The following NEK5 variants were observed in gnomAD, a reference collection of about 807,000 sequenced individuals.
The protein encoded by NEK5 is NIMA related kinase 5, also known as serine/threonine-protein kinase Nek5.
In NEK5, 88 loss-of-function variants were observed where a neutral mutation model predicts 109.2. That is an observed-to-expected ratio of 0.81 (90% CI 0.68 to 0.96). NEK5 has a LOEUF of 0.96. Ranked by LOEUF, NEK5 falls within the 40% of genes least tolerant of loss-of-function variation. The pLI, the probability that NEK5 is intolerant of heterozygous loss-of-function variation, is 0.00. For missense variants in NEK5, 834 were observed against 920.7 expected (o/e 0.91, Z 1.22); for synonymous variants, 283 against 299.9 (o/e 0.94, Z 0.58).
intron 15 of NEK5, among the ~76,000 whole-genome samples, chr13:52,087,074 C>T (rs1293149896): frequency 6.6e-6 from 1 of 152,162 alleles, no homozygotes; most frequent in Non-Finnish European, 1.5e-5. Context: ...TCTGTTACAG[C>T]AGCCCAGGAA....
intron 22 of NEK5, among the ~76,000 whole-genome samples, chr13:52,052,522 G>A (rs561730271): frequency 1.3e-5 from 2 of 152,282 alleles, no homozygotes; most frequent in Admixed American, 6.5e-5. Flanking sequence ...TTGCAGCAAG[G>A]AGCACAGACT....
Position 52,127,496 on chromosome 13 carries a change from C to A in NEK5, c.-14G>T. The A allele has an allele frequency of 7.3e-7, 1 of 1,371,512 alleles. No individual in the cohort carries two copies. Among genetic ancestry groups the A allele is most frequent in the Non-Finnish European group, 1.0e-6 (1 of 961,216 alleles). 85.0% of individuals were successfully genotyped at this position (1,371,512 alleles called of 1,614,324 possible). ...GTACTTATCCATGGTCTCCAATGGG[C>A]TGAGTTTCCTGGAATTAGAGTAATG... is the stretch of plus-strand genomic sequence containing the variant. On this transcript the variant is annotated 5_prime_UTR_variant, in exon 3 of 24. Transcript: ENST00000684899.
At chr13:52,077,715 A>C (rs1954893995) in intron 17 of NEK5, among the ~76,000 whole-genome samples, 1 of 152,242 alleles carries the variant, frequency 6.6e-6, no homozygotes, top group African/African-American at 2.4e-5. Context: ...CTACTATATG[A>C]TCCATCCATC....
intron 23 of NEK5, among the ~76,000 whole-genome samples, chr13:52,037,863 C>T (rs1054365352): frequency 7.9e-5 from 12 of 151,390 alleles, no homozygotes; most frequent in African/African-American, 2.9e-4. Flanking sequence ...GCGGAGCTTG[C>T]AGTGAGCCGA....
At chr13:52,050,551 A>G (rs1413615015) in intron 22 of NEK5, among the ~76,000 whole-genome samples, 1 of 150,314 alleles carries the variant, frequency 6.7e-6, no homozygotes, top group African/African-American at 2.4e-5. Flanking sequence ...GTCTCCCACC[A>G]TGGTTAGACT....
At chr13:52,045,130 CTTTTTTTTT>C (rs374051509) in intron 23 of NEK5, among the ~76,000 whole-genome samples, 5 of 108,704 alleles carry the variant, frequency 4.6e-5, no homozygotes, top group African/African-American at 1.4e-4. Context: ...AATAAAAAAT[CTTTTTTTTT>C]TTTTTTTTTT....
At chr13:52,055,518 TG>T (rs1449610906) in intron 22 of NEK5, among the ~76,000 whole-genome samples, 1 of 151,762 alleles carries the variant, frequency 6.6e-6, no homozygotes, top group African/African-American at 2.4e-5. Context: ...AAAGTTGAAA[TG>T]AAGGAAAAAA....
In NEK5 at chr13:52,087,319, G is replaced by T; in HGVS notation, c.1392+19C>A. On this transcript the variant is annotated intron_variant, in intron 15 of 23. Transcript: ENST00000684899. ...ACAAAGAAATACAAGGGTAGCCCTG[G>T]AATTAAACAGTTTTTAACCTGTTCC... 8.4e-7 allele frequency: 1 copy of T among 1,196,856 alleles called. No individual in the cohort carries two copies. Among genetic ancestry groups the T allele is most frequent in the Non-Finnish European group, 1.2e-6 (1 of 801,588 alleles). 74.1% of individuals were successfully genotyped at this position (1,196,856 alleles called of 1,614,324 possible).
At position 52,093,233 on chromosome 13, in the gene NEK5, T is replaced by C. The variant is rs777337634; in HGVS notation, c.1029A>G (p.Ile343Met). 2 of 1,609,456 alleles carry C rather than the reference T, an allele frequency of 1.2e-6. No homozygotes were observed. Among genetic ancestry groups the C allele is most frequent in the South Asian group, 2.2e-5 (2 of 90,912 alleles). The change falls in exon 13 of 24, where the codon ATA (isoleucine) becomes ATG (methionine). Residue 343 changes from isoleucine (I) to methionine (M), a missense_variant and splice_region_variant. Physicochemically the swap from Ile to Met is conservative, Grantham distance 10 (BLOSUM62 1). Coordinates refer to ENST00000684899, the MANE Select transcript of NEK5 (RefSeq NM_001365552.1). ...CAATTTTGGGTCTTTCTATCATTTT[T>C]ATCTGAAGAAAACAAGAGGGGATGT... ...PPAGAQKARSIKMIERPKIAA... is the reference protein window; with the variant it reads ...PPAGAQKARSMKMIERPKIAA...
rs1177226159 is a variant in NEK5, at chr13:52,034,618, T to G, written c.*2330A>C. 1 of 149,050 alleles carries G rather than the reference T, an allele frequency of 6.7e-6. No individual in the cohort carries two copies. The highest frequency in any genetic ancestry group is 1.5e-5 in the Non-Finnish European group (1 of 67,472). 9.2% of individuals were successfully genotyped at this position (149,050 alleles called of 1,614,324 possible). ...TCACTGTAGCCTCAACCTCCCAGGC[T>G]GAAACTAAAGTGATCCTCCCGCCTC... On this transcript the variant is annotated 3_prime_UTR_variant, in exon 24 of 24. Transcript: ENST00000684899.
At chr13:52,096,528 T>C (rs544210423) in intron 12 of NEK5, among the ~76,000 whole-genome samples, 1 of 152,202 alleles carries the variant, frequency 6.6e-6, no homozygotes, top group Non-Finnish European at 1.5e-5. Context: ...ATTGTGCCAC[T>C]ACCCTAGGGA....
chr13:52,102,555 TG>T (rs1301916917), intron 9 of NEK5, among the ~76,000 whole-genome samples: 16 of 152,142 alleles, frequency 1.1e-4, no homozygotes, highest in Admixed American at 1.0e-3. Context: ...TTGCTGGGCT[TG>T]GTGGCATGAG....
intron 3 of NEK5, among the ~76,000 whole-genome samples, chr13:52,123,179 T>G (rs1457291265): frequency 1.3e-5 from 2 of 152,094 alleles, no homozygotes; most frequent in African/African-American, 4.8e-5. Flanking sequence ...AAAAACTACA[T>G]GAGAGTAGAT....
chr13:52,048,445 AT>A (rs767298932), intron 23 of NEK5, among the ~76,000 whole-genome samples: 3 of 152,034 alleles, frequency 2.0e-5, no homozygotes, highest in Non-Finnish European at 4.4e-5. Flanking sequence ...AAAAAATCCC[AT>A]TTAAAATACC....
At position 52,066,544 on chromosome 13, in the gene NEK5, G is replaced by A. The variant is rs926945900; in HGVS notation, c.1850-935C>T. 4.6e-5 allele frequency among the ~76,000 whole-genome samples: 7 copies of A among 151,906 alleles called. No homozygotes were observed. The South Asian group carries it at 8.3e-4, about 18-fold the overall frequency. On this transcript the variant is annotated intron_variant, in intron 20 of 23. Coordinates refer to ENST00000684899, the MANE Select transcript of NEK5 (RefSeq NM_001365552.1). ...AACTCGGCCGGGTGCAGTGGCTCAC[G>A]CCTGTAATCTCAGCACTTTGGGAGG...
In NEK5 at chr13:52,035,196, T is replaced by C. The variant is rs1199688036; in HGVS notation, c.*1752A>G. ...ACAAACAGCATTCTCCCTAAAAGAG[T>C]AGACTGTAACTCTACACCAAGTTGA... On this transcript the variant is annotated 3_prime_UTR_variant, in exon 24 of 24. Coordinates refer to ENST00000684899, the MANE Select transcript of NEK5 (RefSeq NM_001365552.1). 1 of 152,076 alleles carries C rather than the reference T, an allele frequency of 6.6e-6. No individual in the cohort carries two copies. Among genetic ancestry groups the C allele is most frequent in the Non-Finnish European group, 1.5e-5 (1 of 68,020 alleles). 9.4% of individuals were successfully genotyped at this position (152,076 alleles called of 1,614,324 possible).
At chr13:52,048,989 AC>A (rs1372424672) in intron 23 of NEK5, among the ~76,000 whole-genome samples, 4 of 152,230 alleles carry the variant, frequency 2.6e-5, no homozygotes, top group Admixed American at 2.6e-4. Flanking sequence ...AAGTGCTCTC[AC>A]CATAAATAAA....
intron 22 of NEK5, among the ~76,000 whole-genome samples, chr13:52,054,919 C>A (rs1954540535): frequency 6.6e-6 from 1 of 152,242 alleles, no homozygotes; most frequent in African/African-American, 2.4e-5. Flanking sequence ...AACGCAGTTC[C>A]TCACCAGCAA....
At chr13:52,075,997 G>A (rs550377805) in intron 18 of NEK5, 66 bp downstream of exon 18, 6 of 1,059,644 alleles carry the variant, frequency 5.7e-6, no homozygotes, top group South Asian at 2.8e-5. Context: ...GCAGGCAACC[G>A]AGATCACAAG....
Sources: gnomAD v4.1 joint callset for allele counts (sites outside exome capture counted in the v4.1 genomes callset) on GRCh38, gnomAD v4.1.1 for gene constraint, MANE v1.5 for transcripts, NCBI Gene and HGNC (gene_info 2026-07-23, HGNC 2026-07-21) for gene names.